ARHGAP15: variants seen among roughly 807,000 people sequenced by gnomAD.
The protein encoded by ARHGAP15 is rho GTPase-activating protein 15.
A neutral mutation model predicts 63.7 loss-of-function variants in ARHGAP15; 51 were observed. The observed-to-expected ratio is 0.80, with a 90% CI of 0.64 to 1.01. The LOEUF (loss-of-function observed/expected upper bound fraction) is 1.01, where lower values mean the gene tolerates loss of function less well. Ranked by LOEUF, ARHGAP15 falls within the 50% of genes least tolerant of loss-of-function variation. The probability of loss-of-function intolerance (pLI) is 0.00; values close to 1 mark genes in which losing one functional copy is unlikely to be tolerated. For missense variants in ARHGAP15, 560 were observed against 564.6 expected (o/e 0.99, Z 0.08); for synonymous variants, 191 against 193.8 (o/e 0.99, Z 0.12).
At chr2:143,452,346 C>A (rs1690445040) in intron 8 of ARHGAP15, among the ~76,000 whole-genome samples, 1 of 151,922 alleles carries the variant, frequency 6.6e-6, no homozygotes, top group African/African-American at 2.4e-5. Flanking sequence ...CCTGATGGAG[C>A]AATCAATTAA....
At chr2:143,288,779 G>A (rs943000607) in intron 6 of ARHGAP15, among the ~76,000 whole-genome samples, 4 of 151,490 alleles carry the variant, frequency 2.6e-5, no homozygotes, top group African/African-American at 7.3e-5. Context: ...CAGCAGAAGA[G>A]GATTGCTGCT....
intron 1 of ARHGAP15, among the ~76,000 whole-genome samples, chr2:143,145,998 AC>A (rs1689573028): frequency 6.6e-6 from 1 of 151,738 alleles, no homozygotes; most frequent in Non-Finnish European, 1.5e-5. Context: ...TAAAGTTGAA[AC>A]AACTCATTTA....
At chr2:143,332,568 T>C (rs1684594987) in intron 6 of ARHGAP15, among the ~76,000 whole-genome samples, 1 of 152,190 alleles carries the variant, frequency 6.6e-6, no homozygotes, top group South Asian at 2.1e-4. Context: ...ATGTGGCTTT[T>C]TTCTTCACGG....
intron 8 of ARHGAP15, among the ~76,000 whole-genome samples, chr2:143,456,644 T>C (rs1690667871): frequency 6.6e-6 from 1 of 152,076 alleles, no homozygotes; most frequent in South Asian, 2.1e-4. Context: ...TAATTTTATA[T>C]TCATTTACAG....
At chr2:143,505,686 C>T (rs1693279446) in intron 9 of ARHGAP15, among the ~76,000 whole-genome samples, 1 of 152,184 alleles carries the variant, frequency 6.6e-6, no homozygotes, top group Admixed American at 6.5e-5. Context: ...CTCCATGGAA[C>T]TAGCCAGCCC....
intron 12 of ARHGAP15, among the ~76,000 whole-genome samples, chr2:143,656,814 T>A (rs1484213497): frequency 1.3e-5 from 2 of 152,036 alleles, no homozygotes; most frequent in Non-Finnish European, 2.9e-5. Context: ...AGAGAAAGAG[T>A]ACTCCTCCTC....
At position 143,673,722 on chromosome 2, in the gene ARHGAP15, T is replaced by TTGTGTG. The variant is rs70982878; in HGVS notation, c.1139-29665_1139-29660dup. Among the ~76,000 whole-genome samples, 65 of 54,642 alleles carry TTGTGTG rather than the reference T, an allele frequency of 1.2e-3. 2 individuals are homozygous for TTGTGTG. Among genetic ancestry groups the TTGTGTG allele is most frequent in the African/African-American group, 2.2e-3 (46 of 21,118 alleles). 35.8% of individuals were successfully genotyped at this position (54,642 alleles called of 152,430 possible). A position where few individuals can be genotyped will look rare whatever the true frequency, so the allele number is the denominator to read the frequency against. On this transcript the variant is annotated intron_variant, in intron 12 of 13. Transcript: ENST00000295095. ...ACAAATATCTGATAAAGGCCTTATA[T>TTGTGTG]TGTGTGTGTGTGTGTGTGTGTGTGT...
At chr2:143,473,612 T>A (rs1691679066) in intron 8 of ARHGAP15, among the ~76,000 whole-genome samples, 1 of 152,238 alleles carries the variant, frequency 6.6e-6, no homozygotes, top group Non-Finnish European at 1.5e-5. Context: ...TAAATGCTGA[T>A]GACTACATCT....
intron 11 of ARHGAP15, among the ~76,000 whole-genome samples, chr2:143,562,704 A>T (rs1247818204): frequency 2.0e-5 from 3 of 152,264 alleles, no homozygotes; most frequent in Non-Finnish European, 4.4e-5. Flanking sequence ...ACTTTCTTAG[A>T]CCTCATTTTT....
At chr2:143,246,685 G>A (rs1417635399) in intron 5 of ARHGAP15, among the ~76,000 whole-genome samples, 1 of 151,954 alleles carries the variant, frequency 6.6e-6, no homozygotes, top group African/African-American at 2.4e-5. Flanking sequence ...GGAGGGGGTG[G>A]TTGAAGTGAC....
intron 6 of ARHGAP15, among the ~76,000 whole-genome samples, chr2:143,414,932 A>G (rs1429383479): frequency 6.6e-6 from 1 of 152,236 alleles, no homozygotes; most frequent in Non-Finnish European, 1.5e-5. Context: ...CTGTCTCAAG[A>G]AAAAAGAAAT....
chr2:143,390,563 A>G (rs904546963), intron 6 of ARHGAP15, among the ~76,000 whole-genome samples: 1 of 152,120 alleles, frequency 6.6e-6, no homozygotes, highest in Non-Finnish European at 1.5e-5. Flanking sequence ...ATGCTTTTGA[A>G]TAAATTCATG....
chr2:143,273,447 C>A (rs1356650082), intron 6 of ARHGAP15, among the ~76,000 whole-genome samples: 2 of 151,228 alleles, frequency 1.3e-5, no homozygotes, highest in Non-Finnish European at 2.9e-5. Context: ...CCCCAATGAA[C>A]CTATTGTAAA....
At chr2:143,649,666 A>G in intron 12 of ARHGAP15, among the ~76,000 whole-genome samples, 1 of 152,026 alleles carries the variant, frequency 6.6e-6, no homozygotes, top group South Asian at 2.1e-4. Flanking sequence ...TTTGCTCTCC[A>G]GCAGATGTAG....
chr2:143,700,018 T>A (rs1482787596), intron 12 of ARHGAP15, among the ~76,000 whole-genome samples: 2 of 152,174 alleles, frequency 1.3e-5, no homozygotes, highest in Admixed American at 6.5e-5. Flanking sequence ...GTTCACTCAC[T>A]AATTCCTTTT....
chr2:143,736,609 T>C (rs766497243), intron 13 of ARHGAP15, among the ~76,000 whole-genome samples: 1 of 152,180 alleles, frequency 6.6e-6, no homozygotes, highest in Non-Finnish European at 1.5e-5. Context: ...ATCTACAAAT[T>C]ATTATAAGAA....
At chr2:143,199,757 T>C (rs1296476242) in intron 2 of ARHGAP15, among the ~76,000 whole-genome samples, 1 of 152,050 alleles carries the variant, frequency 6.6e-6, no homozygotes, top group Non-Finnish European at 1.5e-5. Context: ...TGAACGGCCA[T>C]ACCCTTCACC....
intron 12 of ARHGAP15, among the ~76,000 whole-genome samples, chr2:143,655,924 G>T (rs944995393): frequency 6.6e-6 from 1 of 152,042 alleles, no homozygotes; most frequent in Non-Finnish European, 1.5e-5. Flanking sequence ...AATATCATTT[G>T]GTTTTCTTCT....
At chr2:143,486,546 G>A (rs992439800) in intron 8 of ARHGAP15, among the ~76,000 whole-genome samples, 2 of 152,100 alleles carry the variant, frequency 1.3e-5, no homozygotes, top group Non-Finnish European at 2.9e-5. Context: ...CAGCCTGGGT[G>A]ACAGAGCAAG....
Sources: allele counts gnomAD v4.1 joint callset (sites outside exome capture counted in the v4.1 genomes callset), GRCh38; gene constraint gnomAD v4.1.1; transcripts MANE v1.5; gene names NCBI Gene and HGNC (gene_info 2026-07-23, HGNC 2026-07-21).